The following PDE8B variants were observed in gnomAD, a reference collection of about 807,000 sequenced individuals.
PDE8B encodes the protein phosphodiesterase 8B.
In PDE8B, 26 loss-of-function variants were observed where a neutral mutation model predicts 101.3. The ratio of observed to expected loss-of-function variants is 0.26; its 90% CI spans 0.19 to 0.36. The LOEUF is 0.36. Among genes scored for constraint, PDE8B ranks in the 10% least tolerant of loss-of-function variants. The pLI, the probability that PDE8B is intolerant of heterozygous loss-of-function variation, is 1.00. For synonymous variants in PDE8B, 424 were observed against 429.3 expected, an observed-to-expected ratio of 0.99 and a Z score of 0.15; for missense variants, 810 against 1,163.1, an observed-to-expected ratio of 0.70 and a Z score of 4.42.
chr5:77,291,214 A>G (rs1175068600), intron 1 of PDE8B: 2 of 1,610,992 alleles, frequency 1.2e-6, no homozygotes, highest in Non-Finnish European at 1.7e-6. Context: ...AGCATCCATC[A>G]TGAGGTTGTA....
At chr5:77,325,167 G>C (rs555321727) in intron 2 of PDE8B, among the ~76,000 whole-genome samples, 85 of 56,202 alleles carry the variant, frequency 1.5e-3, no homozygotes, top group African/African-American at 5.8e-3. Flanking sequence ...TGTTTTGGGG[G>C]GATTGTTTTG....
chr5:77,411,951 T>C (rs1405743949), intron 15 of PDE8B, 149 bp from the exon 16 acceptor site: 5 of 824,278 alleles, frequency 6.1e-6, no homozygotes, highest in South Asian at 2.9e-5. Flanking sequence ...AAGTGAATTA[T>C]TTTTCTATTT....
At chr5:77,148,203 A>G in the PDE8B span, 5 of 152,250 alleles carry the variant, frequency 3.3e-5, no homozygotes, top group South Asian at 1.0e-3. Flanking sequence ...CAAGTTTGTA[A>G]TCTCAAAAGT....
intron 1 of PDE8B, among the ~76,000 whole-genome samples, chr5:77,275,764 C>T (rs1763733008): frequency 6.6e-6 from 1 of 152,178 alleles, no homozygotes; most frequent in Admixed American, 6.6e-5. Context: ...GTGCAAAGTG[C>T]TTCCAAGATA....
chr5:77,388,835 C>T (rs932905971), intron 10 of PDE8B, among the ~76,000 whole-genome samples: 31 of 152,262 alleles, frequency 2.0e-4, no homozygotes, highest in African/African-American at 6.7e-4. Context: ...GTGGGCTCCA[C>T]CCAGTTCGAA....
intron 1 of PDE8B, among the ~76,000 whole-genome samples, chr5:77,237,891 A>C (rs1016195516): frequency 1.3e-5 from 2 of 151,826 alleles, no homozygotes; most frequent in Non-Finnish European, 2.9e-5. Flanking sequence ...GGTTCCCCCC[A>C]CCCCAGGACT....
intron 11 of PDE8B, 47 bp from the exon 12 acceptor site, chr5:77,404,673 A>G (rs750972752): frequency 9.3e-7 from 1 of 1,072,898 alleles, no homozygotes; most frequent in Non-Finnish European, 1.5e-6. Flanking sequence ...TCTTCTGTGA[A>G]TACACGGAAA....
chr5:77,421,831 G>C lies in PDE8B; in HGVS notation c.2261G>C (p.Ser754Thr), dbSNP rs751238648. The change falls in exon 20 of 22, where the codon AGC becomes ACC. Residue 754 changes from serine to threonine, a missense_variant. Transcript: ENST00000264917. Reference sequence around the variant, plus strand: ...CCATCTGTTTTCCAGATTGAAGGCAGCGACTGTGAATGCAACCCTGCTGGG... The same window carrying C: ...CCATCTGTTTTCCAGATTGAAGGCACCGACTGTGAATGCAACCCTGCTGGG... ...NKPMAAEIEG[S>T]DCECNPAGKN... The C allele has an allele frequency of 1.9e-6, 3 of 1,614,112 alleles. No homozygotes were observed. In the East Asian group the frequency reaches 6.7e-5, roughly 36 times the overall value.
At chr5:77,112,020 T>C in the PDE8B span, 1 of 152,210 alleles carries the variant, frequency 6.6e-6, no homozygotes, top group East Asian at 1.9e-4. Flanking sequence ...TTATATGTTG[T>C]TTAATGTAAT....
At chr5:77,276,399 C>A (rs1763857330) in intron 1 of PDE8B, among the ~76,000 whole-genome samples, 1 of 152,180 alleles carries the variant, frequency 6.6e-6, no homozygotes, top group Non-Finnish European at 1.5e-5. Context: ...TCTTCTCCCT[C>A]CAATCACTTC....
the PDE8B span, among the ~76,000 whole-genome samples, chr5:77,148,698 A>T: frequency 6.6e-6 from 1 of 152,200 alleles, no homozygotes; most frequent in Non-Finnish European, 1.5e-5. Flanking sequence ...TGGCTATTCA[A>T]ATCTTCTGCC....
rs1749817934 is a variant in PDE8B, at chr5:77,216,688, A to G, written c.339+5424A>G. Among the ~76,000 whole-genome samples, 5 of 152,304 alleles carry G rather than the reference A, an allele frequency of 3.3e-5. No homozygotes were observed. The South Asian group carries it at 1.0e-3, about 32-fold the overall frequency. On this transcript the variant is annotated intron_variant, in intron 1 of 21. Transcript: ENST00000264917. The stretch of plus-strand genomic sequence containing the variant: ...GAAACCAAACCTGTAAGTCAGGGAA[A>G]CCCTCAGAAGCTGTAGCCTTCAGGA...
chr5:77,292,351 T>G (rs1767557734), intron 1 of PDE8B, among the ~76,000 whole-genome samples: 1 of 152,172 alleles, frequency 6.6e-6, no homozygotes, highest in Non-Finnish European at 1.5e-5. Context: ...GGCAGACATA[T>G]AAACAGAGGA....
the PDE8B span, among the ~76,000 whole-genome samples, chr5:77,203,249 C>G: frequency 5.3e-5 from 8 of 152,358 alleles, no homozygotes; most frequent in East Asian, 1.5e-3. Context: ...CCCACTTATT[C>G]AAATACTGCC....
intron 13 of PDE8B, among the ~76,000 whole-genome samples, chr5:77,408,355 T>C (rs1264682488): frequency 2.0e-5 from 3 of 151,542 alleles, no homozygotes; most frequent in Non-Finnish European, 4.4e-5. Flanking sequence ...CCACAGAAGG[T>C]GAACAGCTTT....
At chr5:77,187,197 A>G in the PDE8B span, among the ~76,000 whole-genome samples, 1 of 152,250 alleles carries the variant, frequency 6.6e-6, no homozygotes, top group African/African-American at 2.4e-5. Flanking sequence ...GCCTTGACAC[A>G]AAAGTTATTG....
intron 1 of PDE8B, among the ~76,000 whole-genome samples, chr5:77,309,917 A>G (rs977257890): frequency 5.3e-5 from 7 of 131,464 alleles, no homozygotes; most frequent in Admixed American, 3.1e-4. Flanking sequence ...ACCATGCCCA[A>G]CTGGTTTCCC....
chr5:77,331,361 T>C (rs1561537543), intron 4 of PDE8B, 41 bp from the exon 5 acceptor site: 1 of 1,573,084 alleles, frequency 6.4e-7, no homozygotes, highest in Admixed American at 1.7e-5. Flanking sequence ...GGAATCCTGG[T>C]TTGTATCTGC....
chr5:77,189,905 G>A, the PDE8B span, among the ~76,000 whole-genome samples: 2 of 152,202 alleles, frequency 1.3e-5, no homozygotes, highest in African/African-American at 2.4e-5. Context: ...GACCAGAATG[G>A]TAGCAGTGAA....
Sources: gnomAD v4.1 joint callset for allele counts (sites outside exome capture counted in the v4.1 genomes callset) on GRCh38, gnomAD v4.1.1 for gene constraint, MANE v1.5 for transcripts, NCBI Gene and HGNC (gene_info 2026-07-23, HGNC 2026-07-21) for gene names.